The following ASH2L variants were observed in gnomAD, a reference collection of about 807,000 sequenced individuals.
ASH2L encodes set1/Ash2 histone methyltransferase complex subunit ASH2.
ASH2L carries 30 observed loss-of-function variants against 81.1 expected under a neutral mutation model. The observed-to-expected ratio is 0.37, with a 90% CI of 0.28 to 0.50. The LOEUF is 0.50. Among genes scored for constraint, ASH2L ranks in the 20% least tolerant of loss-of-function variants. ASH2L has a pLI of 0.95. For missense variants in ASH2L, 559 were observed against 792.1 expected (o/e 0.71, Z 3.53); for synonymous variants, 273 against 279.9 (o/e 0.98, Z 0.24).
chr8:38,121,320 C>A (rs1811133508), intron 10 of ASH2L, among the ~76,000 whole-genome samples, 171 bp downstream of exon 10: 1 of 129,590 alleles, frequency 7.7e-6, no homozygotes, highest in Non-Finnish European at 1.6e-5. Flanking sequence ...CCTATAAGCT[C>A]CAGCCGTTTT....
At chr8:38,107,874 G>GTT (rs1290939348) in intron 3 of ASH2L, among the ~76,000 whole-genome samples, 5 of 131,466 alleles carry the variant, frequency 3.8e-5, no homozygotes, top group Non-Finnish European at 6.1e-5. Flanking sequence ...ATATATGTGT[G>GTT]TGTGTGTGTG....
intron 9 of ASH2L, 41 bp downstream of exon 9, chr8:38,119,404 A>G (rs1488328493): frequency 6.9e-7 from 1 of 1,443,050 alleles, no homozygotes; most frequent in East Asian, 2.6e-5. Flanking sequence ...CTATTTAAGT[A>G]TTATTTGGTG....
chr8:38,131,886 G>A (rs532212028), intron 12 of ASH2L, among the ~76,000 whole-genome samples: 5 of 148,712 alleles, frequency 3.4e-5, no homozygotes, highest in South Asian at 2.1e-4. Context: ...TCATTCTGTC[G>A]CCCAGGCTGG....
chr8:38,108,403 A>G (rs997039974), intron 3 of ASH2L, among the ~76,000 whole-genome samples: 36 of 152,334 alleles, frequency 2.4e-4, no homozygotes, highest in African/African-American at 8.7e-4. Context: ...GGAGGAATTC[A>G]AGGAAGAATC....
intron 12 of ASH2L, among the ~76,000 whole-genome samples, chr8:38,130,899 G>A (rs992010046): frequency 1.1e-4 from 16 of 152,264 alleles, no homozygotes; most frequent in Middle Eastern, 3.4e-3. Context: ...TGTATAGTAT[G>A]GAAATTCATT....
intron 3 of ASH2L, 41 bp from the exon 4 acceptor site, chr8:38,110,338 T>C: frequency 6.9e-7 from 1 of 1,456,482 alleles, no homozygotes. Flanking sequence ...AGTGTGTGTG[T>C]TCACAAGTTC....
At chr8:38,108,517 TA>T (rs11285350) in intron 3 of ASH2L, among the ~76,000 whole-genome samples, 62 of 145,102 alleles carry the variant, frequency 4.3e-4, no homozygotes, top group African/African-American at 7.6e-4. Context: ...GGTATCAAGT[TA>T]AAAAAAAAAA....
At chr8:38,131,720 C>T (rs1249586037) in intron 12 of ASH2L, among the ~76,000 whole-genome samples, 2 of 151,960 alleles carry the variant, frequency 1.3e-5, no homozygotes, top group African/African-American at 2.4e-5. Context: ...ATTCAAAAGC[C>T]GCATATATAC....
At position 38,114,257 on chromosome 8, in the gene ASH2L, G is replaced by A. The variant is rs1467523478; in HGVS notation, c.651G>A (p.Met217Ile). The change falls in exon 6 of 16, where the codon ATG becomes ATA. Residue 217 changes from methionine (M) to isoleucine (I), a missense_variant. Met to Ile is a conservative substitution (Grantham distance 10, BLOSUM62 1). This residue lies in a region of ASH2L where 318 missense variants were observed against 527.0 expected (regional missense o/e 0.60). Coordinates refer to ENST00000343823, the MANE Select transcript of ASH2L (RefSeq NM_004674.5). ...CAACCAGACAGAGACCTGGGAAAAT[G>A]ACTTGGCCAAATAACATTGTTAAAA... ...CMTTRQRPGK[M>I]TWPNNIVKTM... 1 of 1,607,282 alleles carries A rather than the reference G, an allele frequency of 6.2e-7. No individual in the cohort carries two copies. Among genetic ancestry groups the A allele is most frequent in the African/African-American group, 1.3e-5 (1 of 74,628 alleles).
At chr8:38,127,761 A>C (rs1055018998) in intron 10 of ASH2L, among the ~76,000 whole-genome samples, 2 of 149,600 alleles carry the variant, frequency 1.3e-5, no homozygotes, top group African/African-American at 4.9e-5. Flanking sequence ...AAAAAAAAAA[A>C]GATAAGCCAG....
intron 10 of ASH2L, among the ~76,000 whole-genome samples, chr8:38,127,858 C>T (rs1206411041): frequency 6.6e-6 from 1 of 151,310 alleles, no homozygotes; most frequent in Non-Finnish European, 1.5e-5. Context: ...CCAGCCTGAC[C>T]AACATGGTGA....
chr8:38,130,306 A>G (rs1402114091), intron 12 of ASH2L, among the ~76,000 whole-genome samples: 2 of 78,288 alleles, frequency 2.6e-5, no homozygotes, highest in African/African-American at 5.2e-5. Flanking sequence ...TTTTTTTTCC[A>G]TGTTGCCCAG....
At chr8:38,135,497 A>G (rs998197821) in intron 13 of ASH2L, among the ~76,000 whole-genome samples, 171 bp from the exon 14 acceptor site, 4 of 152,146 alleles carry the variant, frequency 2.6e-5, no homozygotes, top group Non-Finnish European at 5.9e-5. Context: ...GCTTTGAAAA[A>G]TCGAAAGTAT....
intron 9 of ASH2L, 106 bp downstream of exon 9, chr8:38,119,469 G>A: frequency 1.0e-6 from 1 of 988,930 alleles, no homozygotes; most frequent in Non-Finnish European, 1.4e-6. Context: ...TAAAAAGCCT[G>A]TCCATTTTTT....
Position 38,110,475 on chromosome 8 carries a change from CA to C in ASH2L, c.490+11del. ...TCCTCCGGAAGCAAGCAAGTAAGAA[CA>C]AACTCTGGAGTATTTGAAGATGATT... On this transcript the variant is annotated intron_variant, in intron 4 of 15. Coordinates refer to ENST00000343823, the MANE Select transcript of ASH2L (RefSeq NM_004674.5). The C allele has an allele frequency of 3.1e-6, 5 of 1,606,026 alleles. No homozygotes were observed. The African/African-American group carries it at 4.0e-5, about 13-fold the overall frequency.
At chr8:38,133,634 C>G in intron 13 of ASH2L, 88 bp downstream of exon 13, 1 of 1,078,046 alleles carries the variant, frequency 9.3e-7, no homozygotes, top group African/African-American at 1.6e-5. Flanking sequence ...AACACGAGGC[C>G]CAAAGGGGAA....
In ASH2L at chr8:38,123,627, T is replaced by G. The variant is rs370940666; in HGVS notation, c.1165+2478T>G. Reference sequence around the variant, plus strand: ...TGTTTGTGTGTATGTATGTTTGGAGTGAGGATGTGTGAAACATTACTATGG... The same window carrying G: ...TGTTTGTGTGTATGTATGTTTGGAGGGAGGATGTGTGAAACATTACTATGG... On this transcript the variant is annotated intron_variant, in intron 10 of 15. Transcript: ENST00000343823. Among the ~76,000 whole-genome samples, 9 of 152,190 alleles carry G rather than the reference T, an allele frequency of 5.9e-5. 1 individual carries two copies. The highest frequency in any genetic ancestry group is 2.2e-4 in the African/African-American group (9 of 41,526).
Position 38,139,215 on chromosome 8 carries a change from C to A in ASH2L, c.*144C>A. ...CAAGTTAAAAGGCTGGGTAGGACTG[C>A]GGGAGACTGCCTGCCTTTCACCATT... On this transcript the variant is annotated 3_prime_UTR_variant, in exon 16 of 16. Coordinates refer to ENST00000343823, the MANE Select transcript of ASH2L (RefSeq NM_004674.5). 1 of 626,786 alleles carries A rather than the reference C, an allele frequency of 1.6e-6. No homozygotes were observed. The highest frequency in any genetic ancestry group is 2.7e-6 in the Non-Finnish European group (1 of 370,642). The allele number at this position is 626,786 out of a possible 1,614,324, so 38.8% of individuals were successfully genotyped here.
In ASH2L at chr8:38,138,686, ATCTT is replaced by A. The variant is rs1563264668; in HGVS notation, c.1720-129_1720-126del. The A allele has an allele frequency of 7.2e-6, 5 of 693,880 alleles. No individual in the cohort carries two copies. The Admixed American group carries it at 1.0e-4, about 14-fold the overall frequency. The allele number at this position is 693,880 out of a possible 1,614,324, so 43.0% of individuals were successfully genotyped here. A position where few individuals can be genotyped will look rare whatever the true frequency, so the allele number is the denominator to read the frequency against. On this transcript the variant is annotated intron_variant, in intron 14 of 15. Transcript: ENST00000343823. ...CCACTTTTAGTAATATTTAATATAT[ATCTT>A]ATTTGTTCCATTTATCCCCCGAGTA...
Sources: gnomAD v4.1 joint callset for allele counts (sites outside exome capture counted in the v4.1 genomes callset) on GRCh38, gnomAD v4.1.1 for gene constraint, gnomAD v4.1.1 regional missense constraint, MANE v1.5 for transcripts, NCBI Gene and HGNC (gene_info 2026-07-23, HGNC 2026-07-21) for gene names.